PPP2R2C: variants seen among roughly 807,000 people sequenced by gnomAD.
PPP2R2C encodes protein phosphatase 2 regulatory subunit Bgamma, also known as protein phosphatase 2, regulatory subunit B, gamma.
PPP2R2C carries 10 observed loss-of-function variants against 45.3 expected under a neutral mutation model. The ratio of observed to expected loss-of-function variants is 0.22; its 90% CI spans 0.14 to 0.37. The LOEUF (loss-of-function observed/expected upper bound fraction) is 0.37. PPP2R2C is among the 10% of genes least tolerant of loss of function. The pLI is 1.00. For missense variants in PPP2R2C, 308 were observed against 619.7 expected (o/e 0.50, Z 5.34); for synonymous variants, 257 against 245.4 (o/e 1.05, Z -0.44).
intron 1 of PPP2R2C, among the ~76,000 whole-genome samples, chr4:6,391,640 C>A (rs542531039): frequency 6.6e-6 from 1 of 152,360 alleles, no homozygotes; most frequent in East Asian, 1.9e-4. Flanking sequence ...GAAGCTGAAA[C>A]CTCCAAGTGT....
intron 1 of PPP2R2C, among the ~76,000 whole-genome samples, chr4:6,451,388 A>G (rs1720726478): frequency 1.3e-5 from 2 of 152,220 alleles, no homozygotes; most frequent in Non-Finnish European, 2.9e-5. Context: ...ACATCCCATG[A>G]GCCCCAACAA....
intron 5 of PPP2R2C, among the ~76,000 whole-genome samples, chr4:6,363,495 C>T (rs528247891): frequency 2.6e-5 from 4 of 151,956 alleles, no homozygotes; most frequent in South Asian, 2.1e-4. Context: ...AGGAGAATGG[C>T]GTGAACCTGG....
rs983145981 is a variant in PPP2R2C, at chr4:6,385,038, C to T, written c.71-3944G>A. Among the ~76,000 whole-genome samples the T allele has an allele frequency of 5.3e-5, 8 of 152,234 alleles. No homozygotes were observed. In the East Asian group the frequency reaches 5.8e-4, roughly 11 times the overall value. On this transcript the variant is annotated intron_variant, in intron 1 of 8. Transcript: ENST00000382599. ...GGGTCTGGGAGGGAGGAAGAGAAGACGAGGACTCCAGGAATAATGAATCAC... is the reference window on the plus strand; with the variant it reads ...GGGTCTGGGAGGGAGGAAGAGAAGATGAGGACTCCAGGAATAATGAATCAC...
At chr4:6,508,059 C>T (rs991769248) in intron 2 of PPP2R2C, among the ~76,000 whole-genome samples, 5 of 152,148 alleles carry the variant, frequency 3.3e-5, no homozygotes, top group African/African-American at 9.7e-5. Context: ...CCAGGAGTTT[C>T]AGGCCAGCCT....
At chr4:6,535,302 C>T (rs752007791) in exon 2 of PPP2R2C, 9 of 1,535,446 alleles carry the variant, frequency 5.9e-6, no homozygotes, top group Non-Finnish European at 7.8e-6. Context: ...GTGGCCTCAA[C>T]GTGTCCGCCT....
intron 2 of PPP2R2C, among the ~76,000 whole-genome samples, chr4:6,482,939 T>G (rs1385932869): frequency 6.6e-6 from 1 of 151,992 alleles, no homozygotes; most frequent in Non-Finnish European, 1.5e-5. Context: ...ATTTGTCTAA[T>G]GTGGATGCTT....
At chr4:6,560,393 G>C (rs185105097) in intron 1 of PPP2R2C, among the ~76,000 whole-genome samples, 168 of 152,342 alleles carry the variant, frequency 1.1e-3, no homozygotes, top group African/African-American at 3.4e-3. Context: ...GGCCCTTGTT[G>C]AGAGGTGGTG....
intron 1 of PPP2R2C, among the ~76,000 whole-genome samples, chr4:6,427,201 T>C (rs1336902865): frequency 6.6e-6 from 1 of 152,230 alleles, no homozygotes; most frequent in South Asian, 2.1e-4. Context: ...GCCCAGTGCC[T>C]AGAATAGTAT....
chr4:6,341,505 A>C (rs1316545343), intron 6 of PPP2R2C, among the ~76,000 whole-genome samples: 1 of 152,158 alleles, frequency 6.6e-6, no homozygotes, highest in Non-Finnish European at 1.5e-5. Flanking sequence ...CAAATGTCTT[A>C]ATCTCTCTGT....
At chr4:6,457,923 T>C (rs761171169) in intron 1 of PPP2R2C, among the ~76,000 whole-genome samples, 4 of 152,240 alleles carry the variant, frequency 2.6e-5, no homozygotes, top group Non-Finnish European at 5.9e-5. Flanking sequence ...CACTGTGAAA[T>C]ATCTTCAAGA....
chr4:6,490,696 G>A (rs921040967), intron 2 of PPP2R2C, among the ~76,000 whole-genome samples: 1 of 152,148 alleles, frequency 6.6e-6, no homozygotes, highest in African/African-American at 2.4e-5. Context: ...CAGGGAGAGC[G>A]GACGCATCAG....
chr4:6,333,841 T>C (rs550128113), intron 6 of PPP2R2C, 110 bp from the exon 7 acceptor site: 3 of 1,164,444 alleles, frequency 2.6e-6, no homozygotes, highest in Non-Finnish European at 3.7e-6. Context: ...TATTCAGTCA[T>C]TCATTCATTC....
chr4:6,482,822 T>C (rs1184066134), intron 2 of PPP2R2C, among the ~76,000 whole-genome samples: 3 of 152,198 alleles, frequency 2.0e-5, no homozygotes, highest in Non-Finnish European at 1.5e-5. Flanking sequence ...CAAAGTTTCA[T>C]CATGAAAAAT....
chr4:6,415,400 A>C (rs959609170), intron 1 of PPP2R2C, among the ~76,000 whole-genome samples: 11 of 152,210 alleles, frequency 7.2e-5, no homozygotes, highest in Non-Finnish European at 1.5e-4. Context: ...AAAGAAAAAA[A>C]GCTTTCCCAG....
At chr4:6,326,825 G>C (rs1577066258) in intron 8 of PPP2R2C, among the ~76,000 whole-genome samples, 1 of 152,236 alleles carries the variant, frequency 6.6e-6, no homozygotes, top group African/African-American at 2.4e-5. Flanking sequence ...CCCCACGGCA[G>C]GGGCCATCGG....
At chr4:6,522,244 A>G (rs1005214682) in intron 2 of PPP2R2C, among the ~76,000 whole-genome samples, 30 of 152,244 alleles carry the variant, frequency 2.0e-4, no homozygotes, top group African/African-American at 7.2e-4. Flanking sequence ...GCTGCCTTTA[A>G]CCCTTTTCTG....
intron 1 of PPP2R2C, among the ~76,000 whole-genome samples, chr4:6,390,824 G>A (rs1481534880): frequency 3.3e-5 from 5 of 152,138 alleles, no homozygotes; most frequent in East Asian, 1.9e-4. Flanking sequence ...GGCACCGCCC[G>A]GCAGTGATGA....
intron 1 of PPP2R2C, among the ~76,000 whole-genome samples, chr4:6,397,538 C>G (rs960157658): frequency 1.3e-5 from 2 of 151,284 alleles, no homozygotes; most frequent in African/African-American, 4.9e-5. Flanking sequence ...CATGCAAGAG[C>G]CTCTTGCATG....
chr4:6,453,505 C>T (rs796912876), intron 1 of PPP2R2C, among the ~76,000 whole-genome samples: 26 of 148,100 alleles, frequency 1.8e-4, no homozygotes, highest in African/African-American at 6.4e-4. Flanking sequence ...CAGGGGCAGA[C>T]ACATGGTGAG....
Sources: allele counts gnomAD v4.1 joint callset (sites outside exome capture counted in the v4.1 genomes callset), GRCh38; gene constraint gnomAD v4.1.1; transcripts MANE v1.5; gene names NCBI Gene and HGNC (gene_info 2026-07-23, HGNC 2026-07-21).